The following KLHDC4 variants were observed in gnomAD, a reference collection of about 807,000 sequenced individuals.
The protein encoded by KLHDC4 is kelch domain-containing protein 4.
KLHDC4 carries 90 observed loss-of-function variants against 62.4 expected under a neutral mutation model. That is an observed-to-expected ratio of 1.44 (90% CI 1.22 to 1.72). The LOEUF is 1.72. KLHDC4 is among the 40% of genes most tolerant of loss of function. The pLI, the probability that KLHDC4 is intolerant of heterozygous loss-of-function variation, is 0.00. For missense variants in KLHDC4, 1,025 were observed against 699.7 expected (o/e 1.47, Z -5.25); for synonymous variants, 386 against 284.4 (o/e 1.36, Z -3.59).
At chr16:87,727,598 G>A (rs919110622) in intron 6 of KLHDC4, among the ~76,000 whole-genome samples, 1 of 152,212 alleles carries the variant, frequency 6.6e-6, no homozygotes, top group African/African-American at 2.4e-5. Context: ...CCAGCACGCA[G>A]ACTGGGCTGA....
chr16:87,755,159 G>A (rs369601508), intron 4 of KLHDC4, 35 bp downstream of exon 4: 12 of 1,420,654 alleles, frequency 8.4e-6, no homozygotes, highest in South Asian at 1.2e-5. Flanking sequence ...CACGTGGGAA[G>A]AGGGAGGGTG....
rs58097372 is a variant in KLHDC4 at position 87,709,927 on chromosome 16, G to C, written c.1045-260C>G. Reference sequence around the variant, plus strand: ...CACTGCGTGTCCTCACTGAGGGGCCGCTCCACACCTCCACTGAGAGGTGGA... The same window carrying C: ...CACTGCGTGTCCTCACTGAGGGGCCCCTCCACACCTCCACTGAGAGGTGGA... On this transcript the variant is annotated intron_variant, in intron 9 of 11. Coordinates refer to ENST00000270583, the MANE Select transcript of KLHDC4 (RefSeq NM_017566.4). The C allele has an allele frequency of 8.3e-3, 4,244 of 512,430 alleles. 131 individuals carry two copies. The highest frequency in any genetic ancestry group is 0.07 in the African/African-American group (3,680 of 52,472). The allele number at this position is 512,430 out of a possible 1,614,324, so 31.7% of individuals were successfully genotyped here.
intron 4 of KLHDC4, 146 bp downstream of exon 4, chr16:87,755,048 A>G: frequency 1.8e-6 from 1 of 552,964 alleles, no homozygotes; most frequent in Non-Finnish European, 3.3e-6. Context: ...TGAGTAAGGA[A>G]TCCAAGTGAG....
intron 5 of KLHDC4, among the ~76,000 whole-genome samples, chr16:87,747,156 A>G (rs2043161252): frequency 6.6e-6 from 1 of 152,256 alleles, no homozygotes; most frequent in Admixed American, 6.5e-5. Flanking sequence ...TGTCACAGAC[A>G]GCTCAGAGTC....
chr16:87,707,646 C>T (rs149640860), downstream of KLHDC4, among the ~76,000 whole-genome samples: 851 of 152,232 alleles, frequency 5.6e-3, 4 homozygotes, highest in African/African-American at 0.019. Context: ...ACAGCATATT[C>T]CGGGGTTTCG....
At chr16:87,715,410 T>C (rs1459693876) in intron 7 of KLHDC4, among the ~76,000 whole-genome samples, 13 of 152,272 alleles carry the variant, frequency 8.5e-5, no homozygotes, top group Admixed American at 7.8e-4. Flanking sequence ...GAACCGGCAC[T>C]GACCCGTTAC....
intron 8 of KLHDC4, among the ~76,000 whole-genome samples, chr16:87,714,235 G>A (rs1231297833): frequency 6.6e-6 from 1 of 152,154 alleles, no homozygotes; most frequent in East Asian, 1.9e-4. Context: ...CTGCTCCACA[G>A]AGGGCTGTCT....
At position 87,765,974 on chromosome 16, in the gene KLHDC4, G is replaced by C; in HGVS notation, c.-84C>G. 10 of 1,361,128 alleles carry C rather than the reference G, an allele frequency of 7.3e-6. No individual in the cohort carries two copies. The South Asian group carries it at 8.8e-5, about 12-fold the overall frequency. 84.3% of individuals were successfully genotyped at this position (1,361,128 alleles called of 1,614,324 possible). Reference sequence around the variant, plus strand: ...CTCGGAAACAGGTGCTCGTGGGGCGGAGCTCGGCGCACAGAAATGGAGTCA... The same window carrying C: ...CTCGGAAACAGGTGCTCGTGGGGCGCAGCTCGGCGCACAGAAATGGAGTCA... On this transcript the variant is annotated 5_prime_UTR_variant, in exon 1 of 12. Coordinates refer to ENST00000270583, the MANE Select transcript of KLHDC4 (RefSeq NM_017566.4).
chr16:87,744,115 C>T (rs1226730689), intron 5 of KLHDC4, among the ~76,000 whole-genome samples: 1 of 151,944 alleles, frequency 6.6e-6, no homozygotes, highest in African/African-American at 2.4e-5. Context: ...CCTGTCTCTA[C>T]TAAAAATACA....
At chr16:87,758,544 G>A (rs1419556955) in intron 2 of KLHDC4, among the ~76,000 whole-genome samples, 2 of 152,182 alleles carry the variant, frequency 1.3e-5, no homozygotes, top group Admixed American at 6.5e-5. Context: ...GGGGGCTGGG[G>A]GAGGGGAAAC....
At chr16:87,725,810 G>C (rs544982952) in intron 7 of KLHDC4, among the ~76,000 whole-genome samples, 1 of 152,164 alleles carries the variant, frequency 6.6e-6, no homozygotes, top group Non-Finnish European at 1.5e-5. Flanking sequence ...AAGAGCAGGA[G>C]GCTCCGGGGT....
chr16:87,706,090 CG>C (rs148218346), downstream of KLHDC4, among the ~76,000 whole-genome samples: 4,270 of 127,724 alleles, frequency 0.033, 80 homozygotes, highest in Middle Eastern at 0.12. Context: ...GTAGCCCTTG[CG>C]GGGGGCGGGC....
chr16:87,714,717 A>G, intron 7 of KLHDC4, 144 bp from the exon 8 acceptor site: 3 of 833,832 alleles, frequency 3.6e-6, no homozygotes, highest in Non-Finnish European at 5.8e-6. Flanking sequence ...GCGTGCCTGC[A>G]GTGTGCTCAG....
At chr16:87,722,011 A>G (rs1197998245) in intron 7 of KLHDC4, among the ~76,000 whole-genome samples, 1 of 152,144 alleles carries the variant, frequency 6.6e-6, no homozygotes, top group African/African-American at 2.4e-5. Context: ...CTCTAAAGGA[A>G]CGAGAACTCC....
exon 1 of KLHDC4, chr16:87,698,493 G>A (rs913822211): frequency 4.6e-5 from 7 of 152,254 alleles, no homozygotes; most frequent in African/African-American, 1.4e-4. Context: ...CACACCATGA[G>A]ACATGCACAG....
At chr16:87,720,951 G>A (rs1404526147) in intron 7 of KLHDC4, among the ~76,000 whole-genome samples, 1 of 152,210 alleles carries the variant, frequency 6.6e-6, no homozygotes, top group Non-Finnish European at 1.5e-5. Context: ...CCCTCTGCGT[G>A]TCTGAACCGG....
intron 5 of KLHDC4, among the ~76,000 whole-genome samples, chr16:87,738,069 G>A (rs1204815360): frequency 6.6e-6 from 1 of 152,190 alleles, no homozygotes; most frequent in Admixed American, 6.5e-5. Context: ...TGTGGAGTCA[G>A]AGAGCTTCAG....
At chr16:87,759,330 T>G (rs536534651) in intron 2 of KLHDC4, among the ~76,000 whole-genome samples, 10 of 150,546 alleles carry the variant, frequency 6.6e-5, no homozygotes, top group African/African-American at 2.5e-4. Flanking sequence ...AGGTCAGGAA[T>G]TTGAGGCCAG....
chr16:87,758,079 G>C (rs1351641900), intron 2 of KLHDC4, among the ~76,000 whole-genome samples: 1 of 152,132 alleles, frequency 6.6e-6, no homozygotes, highest in African/African-American at 2.4e-5. Flanking sequence ...CAGGTTTCAA[G>C]GTCAAGTGAG....
Sources: allele counts gnomAD v4.1 joint callset (sites outside exome capture counted in the v4.1 genomes callset), GRCh38; gene constraint gnomAD v4.1.1; transcripts MANE v1.5; gene names NCBI Gene and HGNC (gene_info 2026-07-23, HGNC 2026-07-21).